Variants in PAN3 observed in about 807,000 individuals in gnomAD.
PAN3 encodes poly(A) specific ribonuclease subunit PAN3, also known as PAN2-PAN3 deadenylation complex subunit PAN3.
A neutral mutation model predicts 96.2 loss-of-function variants in PAN3; 19 were observed. That is an observed-to-expected ratio of 0.20 (90% CI 0.14 to 0.29). PAN3 has a LOEUF of 0.29. Ranked by LOEUF, PAN3 falls within the 10% of genes least tolerant of loss-of-function variation. PAN3 has a pLI of 1.00. For synonymous variants in PAN3, 433 were observed against 406.6 expected (o/e 1.06, Z -0.78); for missense variants, 882 against 1,108.1 (o/e 0.80, Z 2.90).
At chr13:28,199,926 A>G (rs904708058) in intron 5 of PAN3, among the ~76,000 whole-genome samples, 5 of 152,118 alleles carry the variant, frequency 3.3e-5, no homozygotes, top group Admixed American at 6.5e-5. Flanking sequence ...AATTATGGCT[A>G]TGTTTCTTTA....
chr13:28,239,943 TA>T (rs1289696407), intron 6 of PAN3: 1 of 177,078 alleles, frequency 5.6e-6, no homozygotes, highest in Non-Finnish European at 1.2e-5. Flanking sequence ...GCAGTCTACT[TA>T]TGAATCCAAG....
At chr13:28,153,445 G>A (rs1200335638) in intron 1 of PAN3, among the ~76,000 whole-genome samples, 2 of 151,840 alleles carry the variant, frequency 1.3e-5, no homozygotes, top group African/African-American at 4.8e-5. Context: ...CACCATGTTG[G>A]CCAGGATGGT....
intron 1 of PAN3, among the ~76,000 whole-genome samples, chr13:28,144,211 G>GTTTTTTTTTTTTTT (rs972669575): frequency 6.9e-5 from 7 of 101,530 alleles, no homozygotes; most frequent in Non-Finnish European, 1.0e-4. Context: ...AAGTTTTTTT[G>GTTTTTTTTTTTTTT]TTTTTTTTTT....
At chr13:28,280,216 G>C (rs1219480576) in intron 15 of PAN3, among the ~76,000 whole-genome samples, 196 bp from the exon 16 acceptor site, 1 of 152,150 alleles carries the variant, frequency 6.6e-6, no homozygotes, top group African/African-American at 2.4e-5. Context: ...CATGTTTACT[G>C]TTTCTCCATT....
At chr13:28,214,159 C>T (rs1198470669) in intron 5 of PAN3, among the ~76,000 whole-genome samples, 1 of 152,126 alleles carries the variant, frequency 6.6e-6, no homozygotes, top group African/African-American at 2.4e-5. Context: ...GTTATATATA[C>T]GTACGTATTA....
intron 4 of PAN3, among the ~76,000 whole-genome samples, chr13:28,187,423 A>G (rs1184143936): frequency 6.6e-6 from 1 of 152,206 alleles, no homozygotes; most frequent in Non-Finnish European, 1.5e-5. Flanking sequence ...GTTCCAGTCT[A>G]AAGCACAAGG....
At chr13:28,220,481 A>G in intron 6 of PAN3, 103 bp downstream of exon 6, 1 of 1,342,934 alleles carries the variant, frequency 7.4e-7, no homozygotes, top group Middle Eastern at 1.9e-4. Context: ...AATGATTCAC[A>G]TTTGAACATT....
In PAN3 at chr13:28,270,708, C is replaced by G. The variant is rs755076767; in HGVS notation, c.1800C>G (p.His600Gln). The change falls in exon 13 of 19, where the codon CAC becomes CAG. Residue 600 changes from histidine to glutamine, a missense_variant. By Grantham distance (24) the His-to-Gln change is conservative. Transcript: ENST00000380958. ...AYFTKRKWGQ[H>Q]EGPLPRQHAG... ...GATTTCTTTGCTGTATAGGTCAGCACGAGGGACCATTGCCCAGGCAGCATG... is the reference window on the plus strand; with the variant it reads ...GATTTCTTTGCTGTATAGGTCAGCAGGAGGGACCATTGCCCAGGCAGCATG... The G allele has an allele frequency of 6.2e-7, 1 of 1,613,628 alleles. No individual in the cohort carries two copies. Among genetic ancestry groups the G allele is most frequent in the African/African-American group, 1.3e-5 (1 of 74,900 alleles).
rs894852777 is a variant in PAN3 at position 28,213,418 on chromosome 13, A to G, written c.853-6813A>G. Among the ~76,000 whole-genome samples the G allele has an allele frequency of 1.3e-5, 2 of 152,182 alleles. 1 individual carries two copies. Among genetic ancestry groups the G allele is most frequent in the South Asian group, 4.1e-4 (2 of 4,836 alleles). ...AATAATACAAATTGTAGACAGTATA[A>G]CAGTATCTTTAAAATACAGGAAGGA... On this transcript the variant is annotated intron_variant, in intron 5 of 18. Transcript: ENST00000380958.
chr13:28,235,680 T>TACACACACACAC (rs1555285712), intron 6 of PAN3, among the ~76,000 whole-genome samples: 1 of 109,534 alleles, frequency 9.1e-6, no homozygotes, highest in African/African-American at 4.3e-5. Flanking sequence ...CTTTCTCTAA[T>TACACACACACAC]ATACACACAC....
Position 28,270,745 on chromosome 13 carries a change from C to A in PAN3, c.1837C>A (p.Pro613Thr), listed in dbSNP as rs1436081845. 1.2e-6 allele frequency: 2 copies of A among 1,613,894 alleles called. No individual in the cohort carries two copies. The highest frequency in any genetic ancestry group is 4.5e-5 in the East Asian group (2 of 44,866). ...GCCCAGGCAGCATGCTGGATTATTG[C>A]CAGAATCTCTTATTTGGGCATATAT... ...PLPRQHAGLL[P>T]ESLIWAYIVQ... Residue 613 changes from proline (P) to threonine (T), a missense_variant, in exon 13 of 19, where the codon CCA becomes ACA. Physicochemically the swap from Pro to Thr is conservative, Grantham distance 38 (BLOSUM62 -1). This residue lies in a region of PAN3 where 364 missense variants were observed against 513.6 expected (regional missense o/e 0.71). Transcript: ENST00000380958.
In PAN3 at chr13:28,138,901, C is replaced by T. The variant is rs1472339263; in HGVS notation, c.244C>T (p.His82Tyr). Reference sequence around the variant, plus strand: ...CGGGGCTGCCCCGGGCCTCGGCCTCCATAGCAACAGCGTCCCCCTGGCTCT... The same window carrying T: ...CGGGGCTGCCCCGGGCCTCGGCCTCTATAGCAACAGCGTCCCCCTGGCTCT... The part of the protein sequence containing the change: ...AAGAAPGLGL[H>Y]SNSVPLALAG... The change falls in exon 1 of 19, where the codon CAT (histidine) becomes TAT (tyrosine). Residue 82 changes from histidine (H) to tyrosine (Y), a missense_variant. His to Tyr is a moderately conservative substitution (Grantham distance 83). Around this residue, in one of 3 missense-constraint regions of PAN3, gnomAD observed 442 missense variants for 422.8 expected, o/e 1.05. Coordinates refer to ENST00000380958, the MANE Select transcript of PAN3 (RefSeq NM_175854.8). The T allele has an allele frequency of 5.7e-6, 8 of 1,393,718 alleles. No homozygotes were observed. 86.3% of individuals were successfully genotyped at this position (1,393,718 alleles called of 1,614,324 possible).
intron 1 of PAN3, among the ~76,000 whole-genome samples, chr13:28,162,878 AAAC>A (rs1231512770): frequency 6.6e-6 from 1 of 151,908 alleles, no homozygotes; most frequent in Non-Finnish European, 1.5e-5. Context: ...AAAAAAAAAA[AAAC>A]CTAACAAAAA....
intron 16 of PAN3, among the ~76,000 whole-genome samples, 169 bp downstream of exon 16, chr13:28,280,710 C>T (rs370565647): frequency 2.6e-5 from 4 of 151,480 alleles, no homozygotes; most frequent in East Asian, 3.9e-4. Flanking sequence ...TACAGGTGTA[C>T]GCCACCACAC....
intron 17 of PAN3, among the ~76,000 whole-genome samples, chr13:28,283,293 C>G (rs945376166): frequency 2.6e-5 from 4 of 152,338 alleles, no homozygotes; most frequent in Admixed American, 2.6e-4. Flanking sequence ...AGGTGATCCA[C>G]CTGCCTCAGC....
intron 4 of PAN3, among the ~76,000 whole-genome samples, chr13:28,194,177 A>G (rs914269243): frequency 6.9e-6 from 1 of 144,230 alleles, no homozygotes; most frequent in African/African-American, 2.6e-5. Context: ...ACACTGTCTC[A>G]AAAAAAAAAA....
At chr13:28,203,883 A>C (rs2138274781) in intron 5 of PAN3, among the ~76,000 whole-genome samples, 1 of 142,002 alleles carries the variant, frequency 7.0e-6, no homozygotes. Context: ...GGCTCACTGC[A>C]TCCTCCACCT....
At chr13:28,289,109 A>C (rs1869375420) in intron 18 of PAN3, among the ~76,000 whole-genome samples, 1 of 152,190 alleles carries the variant, frequency 6.6e-6, no homozygotes, top group Non-Finnish European at 1.5e-5. Flanking sequence ...TACAGGCATG[A>C]GCCACCGCAC....
chr13:28,176,842 A>G (rs943546752), intron 3 of PAN3, among the ~76,000 whole-genome samples: 2 of 151,442 alleles, frequency 1.3e-5, no homozygotes, highest in Non-Finnish European at 2.9e-5. Flanking sequence ...CCATGTCTCT[A>G]TTATTAAAAA....
Sources: allele counts gnomAD v4.1 joint callset (sites outside exome capture counted in the v4.1 genomes callset), GRCh38; gene constraint gnomAD v4.1.1; regional missense constraint gnomAD v4.1.1; transcripts MANE v1.5; gene names NCBI Gene and HGNC (gene_info 2026-07-23, HGNC 2026-07-21).